LUC7L2: variants seen among roughly 807,000 people sequenced by gnomAD.
The protein encoded by LUC7L2 is putative RNA-binding protein Luc7-like 2.
Under a neutral mutation model 52.8 loss-of-function variants are expected in LUC7L2, and 25 were observed. That is an observed-to-expected ratio of 0.47 (90% CI 0.34 to 0.66). LUC7L2 has a LOEUF of 0.66. Among genes scored for constraint, LUC7L2 ranks in the 30% least tolerant of loss-of-function variants. The pLI, the probability that LUC7L2 is intolerant of heterozygous loss-of-function variation, is 0.01. For synonymous variants in LUC7L2, 144 were observed against 160.9 expected, an observed-to-expected ratio of 0.89 and a Z score of 0.80; for missense variants, 328 against 497.8, an observed-to-expected ratio of 0.66 and a Z score of 3.25.
chr7:139,350,490 C>G (rs1799419702), intron 1 of LUC7L2, among the ~76,000 whole-genome samples: 1 of 152,028 alleles, frequency 6.6e-6, no homozygotes. Context: ...ACTTACTCAT[C>G]CTCAATGCAC....
Position 139,409,641 on chromosome 7 carries a change from G to A in LUC7L2, c.766G>A (p.Glu256Lys). ...AGAAGAGAGAGAGAGAGAAGAAAGGGAGAAGCTGAGGAGGTATGGAGTAAT... is the reference window on the plus strand; with the variant it reads ...AGAAGAGAGAGAGAGAGAAGAAAGGAAGAAGCTGAGGAGGTATGGAGTAAT... The part of the protein sequence containing the change: ...RREEREREER[E>K]KLRRSRSHSK... Residue 256 changes from glutamate to lysine, a missense_variant, in exon 7 of 10, where the codon GAG becomes AAG. Physicochemically the swap from Glu to Lys is moderately conservative, Grantham distance 56 (BLOSUM62 1). Around this residue, in one of 2 missense-constraint regions of LUC7L2, gnomAD observed 195 missense variants for 223.3 expected, o/e 0.87. Transcript: ENST00000354926. 1 of 1,610,310 alleles carries A rather than the reference G, an allele frequency of 6.2e-7. No homozygotes were observed. The highest frequency in any genetic ancestry group is 2.2e-5 in the East Asian group (1 of 44,692).
chr7:139,380,371 G>A (rs1314383435), intron 2 of LUC7L2, among the ~76,000 whole-genome samples: 1 of 151,956 alleles, frequency 6.6e-6, no homozygotes, highest in South Asian at 2.1e-4. Context: ...AGGGGGGATG[G>A]GGGATCATCC....
intron 1 of LUC7L2, chr7:139,341,369 G>T (rs1055740079): frequency 1.9e-6 from 3 of 1,598,108 alleles, no homozygotes; most frequent in African/African-American, 2.7e-5. Flanking sequence ...CACCACGCTC[G>T]GAGAAGGACA....
At chr7:139,402,678 A>G (rs1794965658) in intron 4 of LUC7L2, among the ~76,000 whole-genome samples, 1 of 152,122 alleles carries the variant, frequency 6.6e-6, no homozygotes, top group Non-Finnish European at 1.5e-5. Context: ...GTGCGTCACC[A>G]GGCCCAGCTA....
At chr7:139,412,676 T>G in intron 8 of LUC7L2, 96 bp downstream of exon 8, 1 of 1,477,360 alleles carries the variant, frequency 6.8e-7, no homozygotes, top group Non-Finnish European at 9.1e-7. Context: ...AAAATTTTCT[T>G]TTTTGGCTGG....
At chr7:139,346,578 A>G (rs6949521) in intron 1 of LUC7L2, among the ~76,000 whole-genome samples, 20,342 of 152,160 alleles carry the variant, frequency 0.13, 3,270 homozygotes, top group African/African-American at 0.39. Context: ...AGGGGTTCTC[A>G]ATAGTAGAGA....
intron 2 of LUC7L2, among the ~76,000 whole-genome samples, chr7:139,384,033 T>C (rs1416295489): frequency 1.3e-5 from 2 of 152,070 alleles, no homozygotes; most frequent in East Asian, 3.9e-4. Flanking sequence ...ATTACAGGTG[T>C]GAGCCACCTT....
At chr7:139,370,076 T>C (rs1465893393) in intron 1 of LUC7L2, among the ~76,000 whole-genome samples, 1 of 152,226 alleles carries the variant, frequency 6.6e-6, no homozygotes, top group Non-Finnish European at 1.5e-5. Flanking sequence ...CTGGAAAGTT[T>C]TACATAGATC....
chr7:139,414,227 A>C (rs919865988), intron 8 of LUC7L2, among the ~76,000 whole-genome samples: 15 of 152,154 alleles, frequency 9.9e-5, no homozygotes, highest in Admixed American at 9.8e-4. Flanking sequence ...TGATTCTCCA[A>C]AGGTTTTTCA....
chr7:139,355,743 G>A (rs563586089), upstream of LUC7L2, among the ~76,000 whole-genome samples: 2 of 152,278 alleles, frequency 1.3e-5, no homozygotes, highest in East Asian at 3.9e-4. Flanking sequence ...AAAGAGATAG[G>A]ATACAGTGAA....
chr7:139,354,947 C>G (rs1392211237), upstream of LUC7L2, among the ~76,000 whole-genome samples: 2 of 151,756 alleles, frequency 1.3e-5, no homozygotes, highest in East Asian at 3.9e-4. Context: ...GTCTTGACCA[C>G]ATGGGGCTCA....
Position 139,422,497 on chromosome 7 carries a change from T to G in LUC7L2, c.*157T>G, listed in dbSNP as rs892997238. The stretch of plus-strand genomic sequence containing the variant: ...AACTTGATCTGAACTGAACCTGTTT[T>G]CCTTGATGATGCCTAAAACTACATC... On this transcript the variant is annotated 3_prime_UTR_variant, in exon 10 of 10. Transcript: ENST00000354926. The G allele has an allele frequency of 4.5e-6, 6 of 1,321,050 alleles. No homozygotes were observed. The African/African-American group carries it at 7.4e-5, about 16-fold the overall frequency. The allele number at this position is 1,321,050 out of a possible 1,614,324, so 81.8% of individuals were successfully genotyped here.
At chr7:139,407,044 G>T in intron 5 of LUC7L2, 130 bp from the exon 6 acceptor site, 3 of 432,500 alleles carry the variant, frequency 6.9e-6, no homozygotes, top group Non-Finnish European at 3.1e-6. Flanking sequence ...TCGCCCCAGT[G>T]AGCCACCGTG....
chr7:139,357,057 G>C (rs1489649900), upstream of LUC7L2, among the ~76,000 whole-genome samples: 1 of 152,140 alleles, frequency 6.6e-6, no homozygotes, highest in African/African-American at 2.4e-5. Flanking sequence ...CTCTCTTGGG[G>C]GAGGGGAGTA....
chr7:139,343,513 A>G (rs1342405091), intron 1 of LUC7L2, among the ~76,000 whole-genome samples: 1 of 152,134 alleles, frequency 6.6e-6, no homozygotes, highest in Non-Finnish European at 1.5e-5. Flanking sequence ...GAAGTCGATC[A>G]AGGCTGCAGT....
chr7:139,411,981 C>G (rs538162393), intron 7 of LUC7L2, among the ~76,000 whole-genome samples: 84 of 152,056 alleles, frequency 5.5e-4, no homozygotes, highest in Non-Finnish European at 1.2e-4. Flanking sequence ...ATCCAGTGAG[C>G]TTCAAAATCT....
intron 1 of LUC7L2, among the ~76,000 whole-genome samples, chr7:139,350,010 CT>C: frequency 6.6e-6 from 1 of 152,272 alleles, no homozygotes; most frequent in South Asian, 2.1e-4. Flanking sequence ...CACTGACCTG[CT>C]TGTTGTCACT....
exon 1 of LUC7L2, chr7:139,340,491 G>A (rs900266226): frequency 5.0e-6 from 2 of 398,472 alleles, no homozygotes; most frequent in African/African-American, 4.1e-5. Context: ...CCCGTTCAAC[G>A]TCCGGAGCAT....
At chr7:139,403,261 G>A (rs1008328591) in intron 4 of LUC7L2, among the ~76,000 whole-genome samples, 2 of 152,112 alleles carry the variant, frequency 1.3e-5, no homozygotes, top group African/African-American at 4.8e-5. Context: ...TCCAGTGTAT[G>A]TTTATTTTTC....
Sources: allele counts gnomAD v4.1 joint callset (sites outside exome capture counted in the v4.1 genomes callset), GRCh38; gene constraint gnomAD v4.1.1; regional missense constraint gnomAD v4.1.1; transcripts MANE v1.5; gene names NCBI Gene and HGNC (gene_info 2026-07-23, HGNC 2026-07-21).